MYO10: variants seen among roughly 807,000 people sequenced by gnomAD.
The protein encoded by MYO10 is myosin X, also known as unconventional myosin-X.
MYO10 carries 133 observed loss-of-function variants against 257.3 expected under a neutral mutation model. The ratio of observed to expected loss-of-function variants is 0.52; its 90% CI spans 0.45 to 0.60. The LOEUF is 0.60. Ranked by LOEUF, MYO10 falls within the 20% of genes least tolerant of loss-of-function variation. The probability of loss-of-function intolerance (pLI) is 0.00; values close to 1 mark genes in which losing one functional copy is unlikely to be tolerated. For synonymous variants in MYO10, 1,104 were observed against 1,028.6 expected (o/e 1.07, Z -1.40); for missense variants, 2,399 against 2,635.7 (o/e 0.91, Z 1.97).
At chr5:16,800,992 T>G (rs1742103369) in intron 3 of MYO10, among the ~76,000 whole-genome samples, 1 of 152,192 alleles carries the variant, frequency 6.6e-6, no homozygotes, top group Non-Finnish European at 1.5e-5. Flanking sequence ...ACCTTTCACC[T>G]TTTAAGGTAA....
intron 2 of MYO10, among the ~76,000 whole-genome samples, chr5:16,872,937 T>G (rs1156277472): frequency 6.6e-6 from 1 of 152,114 alleles, no homozygotes; most frequent in Admixed American, 6.6e-5. Flanking sequence ...CAAGTTGAGA[T>G]TTGGGTAGGG....
intron 19 of MYO10, among the ~76,000 whole-genome samples, chr5:16,730,566 G>A (rs1266963285): frequency 6.6e-6 from 1 of 152,184 alleles, no homozygotes; most frequent in African/African-American, 2.4e-5. Context: ...AAATCAGTAT[G>A]GAGCAGAGGT....
At chr5:16,669,148 A>C (rs919844750) in intron 39 of MYO10, among the ~76,000 whole-genome samples, 1 of 152,192 alleles carries the variant, frequency 6.6e-6, no homozygotes, top group Non-Finnish European at 1.5e-5. Context: ...CGCTGAAAAG[A>C]GTCTCTAGTT....
At chr5:16,809,524 T>C (rs1742371100) in intron 3 of MYO10, among the ~76,000 whole-genome samples, 1 of 152,212 alleles carries the variant, frequency 6.6e-6, no homozygotes, top group Admixed American at 6.5e-5. Context: ...GTGAACTCTG[T>C]TCAACCGGCT....
intron 1 of MYO10, among the ~76,000 whole-genome samples, chr5:16,905,885 C>T (rs1398953283): frequency 6.6e-6 from 1 of 152,142 alleles, no homozygotes; most frequent in African/African-American, 2.4e-5. Flanking sequence ...AAGGTGACAT[C>T]TGAGTAGGGA....
intron 4 of MYO10, among the ~76,000 whole-genome samples, chr5:16,792,340 T>C (rs1045152469): frequency 1.3e-5 from 2 of 152,272 alleles, no homozygotes; most frequent in East Asian, 3.9e-4. Context: ...GATATCATCA[T>C]AGAGCACCCA....
At chr5:16,873,481 G>A (rs1027585307) in intron 2 of MYO10, among the ~76,000 whole-genome samples, 27 of 152,256 alleles carry the variant, frequency 1.8e-4, no homozygotes, top group African/African-American at 5.5e-4. Context: ...ACCATTCTGC[G>A]GACTGGAGGA....
chr5:16,851,263 T>C (rs1190037553), intron 2 of MYO10, among the ~76,000 whole-genome samples: 2 of 152,188 alleles, frequency 1.3e-5, no homozygotes, highest in African/African-American at 4.8e-5. Flanking sequence ...GATTTCACAT[T>C]TTTTTAAGAA....
chr5:16,672,778 G>A lies in MYO10; in HGVS notation c.5220C>T (p.Asn1740=). The A allele has an allele frequency of 6.2e-7, 1 of 1,613,906 alleles. No individual in the cohort carries two copies. Among genetic ancestry groups the A allele is most frequent in the Non-Finnish European group, 8.5e-7 (1 of 1,179,858 alleles). The change falls in exon 37 of 41, where the codon AAC becomes AAT. Residue 1740 remains asparagine (N), a synonymous_variant. Transcript: ENST00000513610. Reference sequence around the variant, plus strand: ...CGTTGTATTCAAACAAAGCAAACATGTTCCTGCTGTCCTCCATGGCCAGGC... The same window carrying A: ...CGTTGTATTCAAACAAAGCAAACATATTCCTGCTGTCCTCCATGGCCAGGC... ...IRGLAMEDSR[N]MFALFEYNGH...
chr5:16,663,248 A>G lies in MYO10; in HGVS notation c.*3444T>C, dbSNP rs995315377. On this transcript the variant is annotated 3_prime_UTR_variant, in exon 41 of 41. Transcript: ENST00000513610. ...TTTTTGAGAGAATATTCAATAAAAC[A>G]GTAAAAATAGCTGTTTCTGGGAAAG... is the stretch of plus-strand genomic sequence containing the variant. 3 of 151,812 alleles carry G rather than the reference A, an allele frequency of 2.0e-5. No individual in the cohort carries two copies. The highest frequency in any genetic ancestry group is 4.8e-5 in the African/African-American group (2 of 41,302). The allele number at this position is 151,812 out of a possible 1,614,324, so 9.4% of individuals were successfully genotyped here.
intron 12 of MYO10, 106 bp from the exon 13 acceptor site, chr5:16,763,861 G>GACAACAGGCA: frequency 1.3e-6 from 1 of 767,704 alleles, no homozygotes; most frequent in Non-Finnish European, 2.1e-6. Context: ...ATCAATGCCT[G>GACAACAGGCA]TTGTCTGGCA....
At chr5:16,723,935 T>C (rs555525733) in intron 19 of MYO10, among the ~76,000 whole-genome samples, 55 of 152,226 alleles carry the variant, frequency 3.6e-4, no homozygotes, top group African/African-American at 1.3e-3. Context: ...CAATCAGTGG[T>C]TGCCAGGGGT....
chr5:16,826,592 G>A (rs75957916), intron 2 of MYO10, among the ~76,000 whole-genome samples: 4,249 of 152,292 alleles, frequency 0.028, 178 homozygotes, highest in African/African-American at 0.097. Context: ...GGAGGAAGGA[G>A]CGGGCAAAGG....
chr5:16,845,282 C>T (rs1414574266), intron 2 of MYO10, among the ~76,000 whole-genome samples: 1 of 152,074 alleles, frequency 6.6e-6, no homozygotes, highest in Non-Finnish European at 1.5e-5. Flanking sequence ...AAATATAAGA[C>T]CACAGAGATA....
At chr5:16,832,541 A>G (rs1743191475) in intron 2 of MYO10, among the ~76,000 whole-genome samples, 1 of 152,182 alleles carries the variant, frequency 6.6e-6, no homozygotes, top group African/African-American at 2.4e-5. Flanking sequence ...GAAATTCAAG[A>G]GGCATGGATG....
chr5:16,675,243 TGAG>T (rs1487653552), intron 34 of MYO10, 93 bp from the exon 35 acceptor site: 19 of 1,344,222 alleles, frequency 1.4e-5, no homozygotes, highest in South Asian at 2.5e-5. Context: ...AAGGAATAAA[TGAG>T]GAGGACGGAT....
chr5:16,723,021 CT>C (rs1295759394), intron 19 of MYO10, among the ~76,000 whole-genome samples: 1 of 152,166 alleles, frequency 6.6e-6, no homozygotes, highest in Non-Finnish European at 1.5e-5. Context: ...TGAAGAGACA[CT>C]TCACCAAAGA....
chr5:16,910,628 A>T (rs1745634607), intron 1 of MYO10, among the ~76,000 whole-genome samples: 1 of 152,230 alleles, frequency 6.6e-6, no homozygotes, highest in African/African-American at 2.4e-5. Context: ...CTCACTAGGC[A>T]TCCATCACTC....
At chr5:16,674,483 A>AAAAG in intron 35 of MYO10, among the ~76,000 whole-genome samples, 1 of 152,188 alleles carries the variant, frequency 6.6e-6, no homozygotes, top group Admixed American at 6.5e-5. Flanking sequence ...AAAAGAAAAG[A>AAAAG]AAAGACACTT....
Sources: allele counts gnomAD v4.1 joint callset (sites outside exome capture counted in the v4.1 genomes callset), GRCh38; gene constraint gnomAD v4.1.1; transcripts MANE v1.5; gene names NCBI Gene and HGNC (gene_info 2026-07-23, HGNC 2026-07-21).